STK32B: variants seen among roughly 807,000 people sequenced by gnomAD.
STK32B encodes serine/threonine-protein kinase 32B.
A neutral mutation model predicts 52.6 loss-of-function variants in STK32B; 43 were observed. That is an observed-to-expected ratio of 0.82 (90% CI 0.64 to 1.05). The LOEUF (loss-of-function observed/expected upper bound fraction) is 1.05. Among genes scored for constraint, STK32B ranks in the 50% least tolerant of loss-of-function variants. The pLI, the probability that STK32B is intolerant of heterozygous loss-of-function variation, is 0.00. For missense variants in STK32B, 621 were observed against 534.6 expected, an observed-to-expected ratio of 1.16 and a Z score of -1.59; for synonymous variants, 238 against 204.3, an observed-to-expected ratio of 1.17 and a Z score of -1.41.
chr4:5,076,807 T>C (rs1316020027), intron 1 of STK32B, among the ~76,000 whole-genome samples: 4 of 152,192 alleles, frequency 2.6e-5, no homozygotes, highest in Admixed American at 6.5e-5. Context: ...CCAGAGTAGA[T>C]ACTGATATCA....
chr4:5,371,190 AG>A (rs780343864), intron 4 of STK32B, among the ~76,000 whole-genome samples: 26 of 152,106 alleles, frequency 1.7e-4, no homozygotes, highest in Non-Finnish European at 2.1e-4. Flanking sequence ...CTGGGATTAC[AG>A]CCAATGAGCA....
chr4:5,478,638 A>G (rs914726939), intron 11 of STK32B, among the ~76,000 whole-genome samples: 3 of 152,234 alleles, frequency 2.0e-5, no homozygotes, highest in Non-Finnish European at 4.4e-5. Context: ...AGTCCCAGAG[A>G]AAACACTCCA....
At chr4:5,083,422 T>C (rs1712544428) in intron 1 of STK32B, among the ~76,000 whole-genome samples, 1 of 152,218 alleles carries the variant, frequency 6.6e-6, no homozygotes, top group South Asian at 2.1e-4. Context: ...CTGAAAGACC[T>C]TGGGCAAGTT....
chr4:5,462,119 C>G (rs1717072395), intron 9 of STK32B, among the ~76,000 whole-genome samples: 1 of 151,830 alleles, frequency 6.6e-6, no homozygotes, highest in African/African-American at 2.4e-5. Flanking sequence ...GCCTGTGCAT[C>G]TGTGTGTGCA....
Position 5,499,244 on chromosome 4 carries a change from C to G in STK32B, c.*161C>G, listed in dbSNP as rs567442141. 16 of 993,102 alleles carry G rather than the reference C, an allele frequency of 1.6e-5. No homozygotes were observed. In the South Asian group the frequency reaches 2.1e-4, roughly 13 times the overall value. 61.5% of individuals were successfully genotyped at this position (993,102 alleles called of 1,614,324 possible). ...GGAAGCCTGGGTTCTGGTCCCATCT[C>G]CATGACTGATTCACGTGTGACCTCA... On this transcript the variant is annotated 3_prime_UTR_variant, in exon 12 of 12. Coordinates refer to ENST00000282908, the MANE Select transcript of STK32B (RefSeq NM_018401.3).
At chr4:5,256,041 C>T (rs1451065842) in intron 3 of STK32B, among the ~76,000 whole-genome samples, 1 of 152,132 alleles carries the variant, frequency 6.6e-6, no homozygotes, top group Non-Finnish European at 1.5e-5. Flanking sequence ...TAAATGGTTA[C>T]TTTGGTTGTC....
intron 4 of STK32B, among the ~76,000 whole-genome samples, chr4:5,356,473 G>T (rs928205482): frequency 6.6e-6 from 1 of 152,182 alleles, no homozygotes; most frequent in South Asian, 2.1e-4. Flanking sequence ...CTACAATCAT[G>T]TTCTGGCTCC....
the STK32B span, among the ~76,000 whole-genome samples, chr4:5,027,164 T>C: frequency 6.6e-6 from 1 of 152,254 alleles, no homozygotes; most frequent in South Asian, 2.1e-4. Flanking sequence ...TTATGTGATG[T>C]GTTTTTGAGC....
intron 2 of STK32B, among the ~76,000 whole-genome samples, chr4:5,150,369 T>G (rs1717247584): frequency 6.6e-6 from 1 of 152,150 alleles, no homozygotes; most frequent in Non-Finnish European, 1.5e-5. Flanking sequence ...TTCCACTGAT[T>G]ATCTGTTCTG....
chr4:5,394,266 C>T lies in STK32B; in HGVS notation c.435-3941C>T, dbSNP rs1736745899. The stretch of plus-strand genomic sequence containing the variant: ...TACTTTCCATCAAAGTGTCATTTTG[C>T]CCAACTCTGAAATTATGGGTCTGTC... On this transcript the variant is annotated intron_variant, in intron 4 of 11. Coordinates refer to ENST00000282908, the MANE Select transcript of STK32B (RefSeq NM_018401.3). This position sits in a 1 kb window ranked among gnomAD's most constrained non-coding sequence, Gnocchi z 4.2. Among the ~76,000 whole-genome samples, 1 of 152,146 alleles carries T rather than the reference C, an allele frequency of 6.6e-6. No individual in the cohort carries two copies. The highest frequency in any genetic ancestry group is 2.1e-4 in the South Asian group (1 of 4,830).
intron 1 of STK32B, among the ~76,000 whole-genome samples, chr4:5,085,279 A>G (rs934408728): frequency 5.9e-5 from 9 of 152,380 alleles, no homozygotes; most frequent in African/African-American, 2.2e-4. Context: ...TAATAAATGT[A>G]AAATGTCTGG....
intron 1 of STK32B, among the ~76,000 whole-genome samples, chr4:5,136,743 A>G (rs969107035): frequency 6.6e-6 from 1 of 152,202 alleles, no homozygotes; most frequent in Admixed American, 6.5e-5. Context: ...GACTGAAGCC[A>G]TTTTAATCTG....
intron 4 of STK32B, among the ~76,000 whole-genome samples, chr4:5,341,557 G>C (rs763280405): frequency 6.6e-6 from 1 of 152,080 alleles, no homozygotes; most frequent in Non-Finnish European, 1.5e-5. Flanking sequence ...TAATGATTTC[G>C]TCGGTAACTT....
At chr4:5,194,482 C>T (rs980065992) in intron 3 of STK32B, among the ~76,000 whole-genome samples, 2 of 152,182 alleles carry the variant, frequency 1.3e-5, no homozygotes, top group African/African-American at 2.4e-5. Context: ...GTGCCCTTTG[C>T]ATGGGTGATA....
chr4:5,072,367 TCCTACTTCAGC>T (rs1218292205), intron 1 of STK32B, among the ~76,000 whole-genome samples: 4 of 152,160 alleles, frequency 2.6e-5, no homozygotes, highest in African/African-American at 4.8e-5. Flanking sequence ...CCTCAGTCTT[TCCTACTTCAGC>T]AAGTAGAGAT....
intron 4 of STK32B, among the ~76,000 whole-genome samples, chr4:5,361,382 T>G (rs1025139196): frequency 2.0e-5 from 3 of 152,188 alleles, no homozygotes; most frequent in Non-Finnish European, 4.4e-5. Context: ...TAATTTTCTA[T>G]TTTTATTTTT....
chr4:5,245,630 T>G (rs1054886135), intron 3 of STK32B, among the ~76,000 whole-genome samples: 2 of 152,144 alleles, frequency 1.3e-5, no homozygotes, highest in South Asian at 4.2e-4. Context: ...GTTAGCTGGT[T>G]ATTTTGCTCG....
intron 1 of STK32B, among the ~76,000 whole-genome samples, chr4:5,087,084 G>C (rs1405185884): frequency 6.6e-6 from 1 of 152,086 alleles, no homozygotes; most frequent in East Asian, 1.9e-4. Flanking sequence ...TATTCCATGT[G>C]TTTTAAAAAT....
rs1228513751 is a variant in STK32B, at chr4:5,492,683, G to C, written c.1107-6262G>C. 7.3e-5 allele frequency among the ~76,000 whole-genome samples: 11 copies of C among 151,000 alleles called. No homozygotes were observed. The East Asian group carries it at 2.1e-3, about 29-fold the overall frequency. ...TTCAAAGGGAATGCTTCCAGTTTTT[G>C]CCCATTCAGTATGATATTGGCTGTG... On this transcript the variant is annotated intron_variant, in intron 11 of 11. Transcript: ENST00000282908.
Sources: allele counts gnomAD v4.1 joint callset (sites outside exome capture counted in the v4.1 genomes callset), GRCh38; gene constraint gnomAD v4.1.1; non-coding constraint Gnocchi (gnomAD v3.1); transcripts MANE v1.5; gene names NCBI Gene and HGNC (gene_info 2026-07-23, HGNC 2026-07-21).